Variants in RGL3 observed in about 807,000 individuals in gnomAD.
The protein encoded by RGL3 is ral guanine nucleotide dissociation stimulator like 3.
RGL3 carries 85 observed loss-of-function variants against 90.6 expected under a neutral mutation model. The ratio of observed to expected loss-of-function variants is 0.94; its 90% confidence interval spans 0.79 to 1.12. The LOEUF (loss-of-function observed/expected upper bound fraction) is 1.12, where lower values mean the gene tolerates loss of function less well. Among genes scored for constraint, RGL3 ranks in the 50% most tolerant of loss-of-function variants. The pLI, the probability that RGL3 is intolerant of heterozygous loss-of-function variation, is 0.00. For missense variants in RGL3, 1,034 were observed against 939.2 expected, an observed-to-expected ratio of 1.10 and a Z score of -1.32; for synonymous variants, 408 against 385.5, an observed-to-expected ratio of 1.06 and a Z score of -0.68.
intron 1 of RGL3, 49 bp downstream of exon 1, chr19:11,419,197 C>T (rs1200381109): frequency 2.5e-6 from 4 of 1,577,830 alleles, no homozygotes; most frequent in Non-Finnish European, 3.4e-6. Context: ...AGTTTCTGGA[C>T]CTGCGGGTCA....
At chr19:11,409,775 A>G (rs1481590602) in intron 5 of RGL3, among the ~76,000 whole-genome samples, 1 of 151,962 alleles carries the variant, frequency 6.6e-6, no homozygotes, top group African/African-American at 2.4e-5. Flanking sequence ...GCACCGTGAC[A>G]CTCTACTGTG....
In RGL3 at chr19:11,414,528, T is replaced by TATATATATATAC. The variant is rs1568342108; in HGVS notation, c.637+1408_637+1409insGTATATATATAT. On this transcript the variant is annotated intron_variant, in intron 5 of 18. Transcript: ENST00000380456. ...ATATATATATATATATATATATATA[T>TATATATATATAC]ACCTTTATATATATATAAATAACTG... is the stretch of plus-strand genomic sequence containing the variant. 8.2e-4 allele frequency among the ~76,000 whole-genome samples: 61 copies of TATATATATATAC among 74,090 alleles called. 1 individual carries two copies. The highest frequency in any genetic ancestry group is 2.6e-3 in the African/African-American group (49 of 19,010). 48.6% of individuals were successfully genotyped at this position (74,090 alleles called of 152,430 possible). A position where few individuals can be genotyped will look rare whatever the true frequency, so the allele number is the denominator to read the frequency against.
In RGL3 at chr19:11,405,411, G is replaced by T. The variant is rs776583189; in HGVS notation, c.1012C>A (p.Arg338=). The T allele has an allele frequency of 1.9e-6, 3 of 1,572,594 alleles. No homozygotes were observed. Among genetic ancestry groups the T allele is most frequent in the Admixed American group, 3.7e-5 (2 of 54,786 alleles). Residue 338 remains arginine (R), a synonymous_variant, in exon 8 of 19, where the codon CGG becomes AGG. Coordinates refer to ENST00000380456, the MANE Select transcript of RGL3 (RefSeq NM_001035223.4). ...IRIAQRCREL[R]NFSSLRAILS... is the part of the protein sequence containing the mutation. The stretch of plus-strand genomic sequence containing the variant: ...ATGGCGCGCAAGGAGGAGAAGTTCC[G>T]CAGTTCTCGGCAGCGCTGCCAGGCG...
chr19:11,405,307 TC>T lies in RGL3; in HGVS notation c.1100+15del. ...GACCTGGGATGGGCTGGGGAACAGGTCCCGCCCCAGCTCACCGGCTCACTGC... is the reference window on the plus strand; with the variant it reads ...GACCTGGGATGGGCTGGGGAACAGGTCCGCCCCAGCTCACCGGCTCACTGC... On this transcript the variant is annotated intron_variant, in intron 8 of 18. Coordinates refer to ENST00000380456, the MANE Select transcript of RGL3 (RefSeq NM_001035223.4). The T allele has an allele frequency of 6.2e-7, 1 of 1,612,080 alleles. No individual in the cohort carries two copies. The highest frequency in any genetic ancestry group is 8.5e-7 in the Non-Finnish European group (1 of 1,178,534).
intron 2 of RGL3, among the ~76,000 whole-genome samples, chr19:11,417,735 G>C (rs952547265): frequency 2.0e-5 from 3 of 152,122 alleles, no homozygotes; most frequent in African/African-American, 2.4e-5. Flanking sequence ...CTCCCAAAGT[G>C]CTGGGATTAC....
At chr19:11,414,134 C>CAT (rs56098998) in intron 5 of RGL3, among the ~76,000 whole-genome samples, 947 of 30,260 alleles carry the variant, frequency 0.031, 15 homozygotes, top group Non-Finnish European at 0.035. Flanking sequence ...CTGGAGAAAT[C>CAT]ATATATATAT....
chr19:11,405,492 ATCTTTTTTTTTTTTTTTTT>A, intron 7 of RGL3, 66 bp from the exon 8 acceptor site: 6 of 132,454 alleles, frequency 4.5e-5, no homozygotes, highest in Non-Finnish European at 5.9e-5. Flanking sequence ...AAACTTCTTC[ATCTTTTTTTTTTTTTTTTT>A]TTTTTTTTTT....
Position 11,404,172 on chromosome 19 carries a change from T to C in RGL3, c.1185+975A>G, listed in dbSNP as rs575368654. ...TGTTGGGATTATAGGCGTGAGTCAC[T>C]GAGCCCAGCTCACGTGCTGTTCTAG... On this transcript the variant is annotated intron_variant, in intron 9 of 18. Transcript: ENST00000380456. Among the ~76,000 whole-genome samples the C allele has an allele frequency of 3.9e-5, 6 of 152,236 alleles. No individual in the cohort carries two copies. In the South Asian group the frequency reaches 1.0e-3, roughly 26 times the overall value.
intron 13 of RGL3, among the ~76,000 whole-genome samples, chr19:11,400,786 C>T (rs558338034): frequency 5.2e-4 from 78 of 151,426 alleles, no homozygotes; most frequent in Non-Finnish European, 9.7e-4. Context: ...ACCTGGGAGG[C>T]GGGGGCTACA....
intron 7 of RGL3, among the ~76,000 whole-genome samples, chr19:11,406,198 G>A (rs1325608803): frequency 6.6e-6 from 1 of 151,936 alleles, no homozygotes; most frequent in Non-Finnish European, 1.5e-5. Flanking sequence ...CTCCGGTCCG[G>A]GCTCCCTACT....
intron 9 of RGL3, 102 bp from the exon 10 acceptor site, chr19:11,402,808 A>G: frequency 1.9e-6 from 2 of 1,058,330 alleles, no homozygotes; most frequent in Non-Finnish European, 2.8e-6. Flanking sequence ...TGCTTTGAGT[A>G]ATCAAAAGTC....
intron 13 of RGL3, among the ~76,000 whole-genome samples, chr19:11,401,226 A>T (rs992107241): frequency 1.1e-4 from 14 of 130,702 alleles, no homozygotes; most frequent in East Asian, 2.2e-4. Flanking sequence ...AATTGTGACT[A>T]TTTTTTTTTT....
At chr19:11,414,464 CATATAT>C (rs1226288918) in intron 5 of RGL3, among the ~76,000 whole-genome samples, 1 of 43,268 alleles carries the variant, frequency 2.3e-5, no homozygotes, top group Non-Finnish European at 4.1e-5. Flanking sequence ...TATATACCTT[CATATAT>C]ATATATATAT....
At position 11,397,314 on chromosome 19, in the gene RGL3, C is replaced by T. The variant is rs1474469045; in HGVS notation, c.1944G>A (p.Leu648=). 6.2e-7 allele frequency: 1 copy of T among 1,610,940 alleles called. No individual in the cohort carries two copies. The highest frequency in any genetic ancestry group is 1.1e-5 in the South Asian group (1 of 90,598). The change falls in exon 18 of 19, where the codon TTG becomes TTA. Residue 648 remains leucine (L), a synonymous_variant. Transcript: ENST00000380456. ...AGGGCTGGGGCACATTGTGCTTCTG[C>T]AAGGCTCGCCGGACCACGCTGGGGG... ...DKAPSVVRRA[L]QKHNVPQPWA...
chr19:11,415,221 G>A (rs1245066010), intron 5 of RGL3, among the ~76,000 whole-genome samples: 1 of 151,538 alleles, frequency 6.6e-6, no homozygotes, highest in Non-Finnish European at 1.5e-5. Context: ...TAGGTATAGT[G>A]GCTCGCGCCT....
chr19:11,418,500 C>G (rs555148799), intron 2 of RGL3, 171 bp downstream of exon 2: 2 of 595,366 alleles, frequency 3.4e-6, no homozygotes, highest in Non-Finnish European at 5.9e-6. Flanking sequence ...GATCTCCCCC[C>G]ACTTACCTGG....
In RGL3 at chr19:11,406,452, C is replaced by T; in HGVS notation, c.963G>A (p.Ala321=). ...TGCGGATCCACTTCTCCAGCCGCTG[C>T]GCCCTCTGCGGGGCGGCCAAGCCCG... ...GAPGLAAPQR[A]QRLEKWIRIA... is the part of the protein sequence containing the mutation. Residue 321 remains alanine (A), a synonymous_variant, in exon 7 of 19, where the codon GCG becomes GCA. Coordinates refer to ENST00000380456, the MANE Select transcript of RGL3 (RefSeq NM_001035223.4). 2 of 1,546,358 alleles carry T rather than the reference C, an allele frequency of 1.3e-6. No individual in the cohort carries two copies. The highest frequency in any genetic ancestry group is 1.4e-5 in the African/African-American group (1 of 73,626).
intron 16 of RGL3, among the ~76,000 whole-genome samples, chr19:11,398,766 G>T (rs993692414): frequency 1.3e-5 from 2 of 151,812 alleles, no homozygotes; most frequent in Non-Finnish European, 2.9e-5. Flanking sequence ...CGTCTCCTGG[G>T]TTCAAGTGAT....
intron 18 of RGL3, among the ~76,000 whole-genome samples, chr19:11,396,542 A>G (rs1225825810): frequency 6.7e-6 from 1 of 150,330 alleles, no homozygotes; most frequent in African/African-American, 2.5e-5. Context: ...CTGAGCTCAG[A>G]CAATCCACCC....
Sources: allele counts gnomAD v4.1 joint callset (sites outside exome capture counted in the v4.1 genomes callset), GRCh38; gene constraint gnomAD v4.1.1; transcripts MANE v1.5; gene names NCBI Gene and HGNC (gene_info 2026-07-23, HGNC 2026-07-21).